TRAPPC9: variants seen among roughly 807,000 people sequenced by gnomAD.
The protein encoded by TRAPPC9 is IKK2 binding protein.
TRAPPC9 carries 83 observed loss-of-function variants against 124.0 expected under a neutral mutation model. The observed-to-expected ratio is 0.67, with a 90% CI of 0.56 to 0.80. The LOEUF is 0.80. TRAPPC9 is among the 30% of genes least tolerant of loss of function. The pLI is 0.00. For missense variants in TRAPPC9, 1,302 were observed against 1,508.3 expected, an observed-to-expected ratio of 0.86 and a Z score of 2.27; for synonymous variants, 638 against 617.5, an observed-to-expected ratio of 1.03 and a Z score of -0.49.
Position 140,370,587 on chromosome 8 carries a change from A to T in TRAPPC9, c.1351+377T>A, listed in dbSNP as rs149648536. Among the ~76,000 whole-genome samples the T allele has an allele frequency of 5.4e-4, 83 of 152,370 alleles. No individual in the cohort carries two copies. The East Asian group carries it at 0.015, about 28-fold the overall frequency. On this transcript the variant is annotated intron_variant, in intron 8 of 22. Transcript: ENST00000438773. Reference sequence around the variant, plus strand: ...AGAATAAGAATTTACTGCTGAATGCATAGCTCAGGTATACACATATACCCA... The same window carrying T: ...AGAATAAGAATTTACTGCTGAATGCTTAGCTCAGGTATACACATATACCCA...
rs140414207 is a variant in TRAPPC9, at chr8:140,282,106, A to G, written c.2114+1783T>C. ...CAGCAACTGGCAAATGAAAGGGTCTATTGAACACATGAATGGGCTTTAAAA... is the reference window on the plus strand; with the variant it reads ...CAGCAACTGGCAAATGAAAGGGTCTGTTGAACACATGAATGGGCTTTAAAA... On this transcript the variant is annotated intron_variant, in intron 14 of 22. Coordinates refer to ENST00000438773, the MANE Select transcript of TRAPPC9 (RefSeq NM_001160372.4). Among the ~76,000 whole-genome samples the G allele has an allele frequency of 4.2e-3, 637 of 152,334 alleles. 6 individuals carry two copies. Among genetic ancestry groups the G allele is most frequent in the African/African-American group, 0.014 (577 of 41,584 alleles).
chr8:139,789,829 C>T (rs1822530320), intron 21 of TRAPPC9, among the ~76,000 whole-genome samples: 1 of 152,138 alleles, frequency 6.6e-6, no homozygotes, highest in Non-Finnish European at 1.5e-5. Flanking sequence ...TCTTACTGAG[C>T]AGAGACCTCA....
intron 17 of TRAPPC9, among the ~76,000 whole-genome samples, chr8:140,165,677 A>G (rs2061825276): frequency 6.6e-6 from 1 of 151,490 alleles, no homozygotes; most frequent in Non-Finnish European, 1.5e-5. Context: ...GGGAAGAACT[A>G]CCATTATCTT....
chr8:139,901,601 G>C (rs1563907682), intron 20 of TRAPPC9, among the ~76,000 whole-genome samples: 1 of 152,220 alleles, frequency 6.6e-6, no homozygotes, highest in Non-Finnish European at 1.5e-5. Flanking sequence ...GTGGAGAGCA[G>C]GTGAAATGGA....
chr8:140,388,872 AG>A (rs1476493038), intron 7 of TRAPPC9, among the ~76,000 whole-genome samples: 1 of 151,072 alleles, frequency 6.6e-6, no homozygotes, highest in Non-Finnish European at 1.5e-5. Flanking sequence ...AAAGGAATGA[AG>A]GACTGATTCG....
At chr8:140,075,866 G>A (rs1188830082) in intron 17 of TRAPPC9, among the ~76,000 whole-genome samples, 1 of 152,210 alleles carries the variant, frequency 6.6e-6, no homozygotes, top group Non-Finnish European at 1.5e-5. Flanking sequence ...TGGACACGGG[G>A]CATTTTGACT....
At chr8:139,929,180 G>A (rs1832977699) in intron 19 of TRAPPC9, among the ~76,000 whole-genome samples, 1 of 152,136 alleles carries the variant, frequency 6.6e-6, no homozygotes, top group African/African-American at 2.4e-5. Flanking sequence ...TACATTTTAG[G>A]TTTTATATAC....
At chr8:140,079,557 C>T (rs1032411510) in intron 17 of TRAPPC9, among the ~76,000 whole-genome samples, 8 of 152,124 alleles carry the variant, frequency 5.3e-5, no homozygotes, top group African/African-American at 1.9e-4. Context: ...CTCCCTACAC[C>T]CAAGGACCTG....
intron 10 of TRAPPC9, among the ~76,000 whole-genome samples, chr8:140,310,697 G>A (rs1192465117): frequency 1.3e-5 from 2 of 152,094 alleles, no homozygotes; most frequent in Non-Finnish European, 2.9e-5. Context: ...CAGGGAGCTC[G>A]CCTCTCAGGA....
intron 18 of TRAPPC9, among the ~76,000 whole-genome samples, chr8:140,012,937 G>A (rs1266756425): frequency 6.6e-6 from 1 of 152,190 alleles, no homozygotes; most frequent in Non-Finnish European, 1.5e-5. Flanking sequence ...TACAGGGAGA[G>A]CAGGGTGTGT....
At chr8:140,317,803 A>T (rs1326087724) in intron 9 of TRAPPC9, among the ~76,000 whole-genome samples, 2 of 152,326 alleles carry the variant, frequency 1.3e-5, no homozygotes, top group East Asian at 3.9e-4. Context: ...GGATTCTGGT[A>T]TATATTAATA....
chr8:140,125,740 G>C (rs1377353278), intron 17 of TRAPPC9, among the ~76,000 whole-genome samples: 1 of 151,696 alleles, frequency 6.6e-6, no homozygotes, highest in African/African-American at 2.4e-5. Context: ...GATTACAGGT[G>C]CGTGCCACCA....
intron 19 of TRAPPC9, among the ~76,000 whole-genome samples, chr8:139,915,357 G>A (rs570698690): frequency 8.5e-5 from 13 of 152,096 alleles, no homozygotes; most frequent in Non-Finnish European, 1.0e-4. Flanking sequence ...AGCGATTCTC[G>A]TGCCTCAGCC....
intron 19 of TRAPPC9, among the ~76,000 whole-genome samples, chr8:139,983,986 T>C (rs1837081000): frequency 6.6e-6 from 1 of 152,210 alleles, no homozygotes; most frequent in African/African-American, 2.4e-5. Context: ...CAGTAAATAC[T>C]ATTTCCATCC....
chr8:140,281,250 A>G (rs1199812063), intron 14 of TRAPPC9, among the ~76,000 whole-genome samples: 1 of 152,232 alleles, frequency 6.6e-6, no homozygotes, highest in Non-Finnish European at 1.5e-5. Context: ...CAGCATCCCC[A>G]TCGGCCTCGC....
intron 21 of TRAPPC9, among the ~76,000 whole-genome samples, chr8:139,733,012 C>G (rs1563770171): frequency 6.6e-6 from 1 of 151,466 alleles, no homozygotes. Flanking sequence ...AGAGAGTGTG[C>G]CCTCTCTCAG....
chr8:140,240,070 G>C (rs898654531), intron 16 of TRAPPC9, among the ~76,000 whole-genome samples: 2 of 152,156 alleles, frequency 1.3e-5, no homozygotes, highest in Non-Finnish European at 2.9e-5. Context: ...ACAATGATAA[G>C]TGGAAGCATC....
rs144350728 is a variant in TRAPPC9 at position 139,818,532 on chromosome 8, C to T, written c.3055+67347G>A. 3.4e-3 allele frequency among the ~76,000 whole-genome samples: 513 copies of T among 151,994 alleles called. 3 individuals are homozygous for T. Among genetic ancestry groups the T allele is most frequent in the African/African-American group, 0.011 (464 of 41,438 alleles). ...CAGAGGTTGCAGTGAGCTGAGATCA[C>T]GCCACTGCCCTCTAGTCTGGGCAAT... On this transcript the variant is annotated intron_variant, in intron 21 of 22. Coordinates refer to ENST00000438773, the MANE Select transcript of TRAPPC9 (RefSeq NM_001160372.4).
At chr8:140,284,067 G>A (rs1297800651) in intron 13 of TRAPPC9, 46 bp from the exon 14 acceptor site, 1 of 1,612,394 alleles carries the variant, frequency 6.2e-7, no homozygotes, top group Non-Finnish European at 8.5e-7. Flanking sequence ...AAGGCTTTGG[G>A]TCTCACGCCC....
Sources: allele counts gnomAD v4.1 joint callset (sites outside exome capture counted in the v4.1 genomes callset), GRCh38; gene constraint gnomAD v4.1.1; transcripts MANE v1.5; gene names NCBI Gene and HGNC (gene_info 2026-07-23, HGNC 2026-07-21).